HNRNPK: variants seen among roughly 807,000 people sequenced by gnomAD.
HNRNPK encodes the protein dC-stretch binding protein.
In HNRNPK, 7 loss-of-function variants were observed where a neutral mutation model predicts 67.0. The observed-to-expected ratio is 0.10, with a 90% CI of 0.06 to 0.20. The LOEUF is 0.20. Among genes scored for constraint, HNRNPK ranks in the 10% least tolerant of loss-of-function variants. The pLI is 1.00. For missense variants in HNRNPK, 264 were observed against 606.5 expected (o/e 0.44, Z 5.93); for synonymous variants, 213 against 193.7 (o/e 1.10, Z -0.83).
At chr9:83,973,238 A>G (rs1385531912) in intron 9 of HNRNPK, 48 bp downstream of exon 9, 1 of 1,106,202 alleles carries the variant, frequency 9.0e-7, no homozygotes, top group Non-Finnish European at 1.4e-6. Context: ...AGTCTATATG[A>G]AAATTTACTT....
intron 10 of HNRNPK, among the ~76,000 whole-genome samples, chr9:83,972,640 A>G (rs1346214164): frequency 1.3e-5 from 2 of 152,260 alleles, no homozygotes; most frequent in Non-Finnish European, 2.9e-5. Context: ...CTCAAAGGCT[A>G]TAGAAATACC....
chr9:83,972,296 A>G (rs1199596253), intron 10 of HNRNPK, 107 bp from the exon 11 acceptor site: 2 of 802,552 alleles, frequency 2.5e-6, no homozygotes, highest in Non-Finnish European at 2.0e-6. Flanking sequence ...TTCCCCCATC[A>G]GGAGGTACTA....
In HNRNPK at chr9:83,969,454, GA is replaced by G. The variant is rs749772524; in HGVS notation, c.1362-15del. Reference sequence around the variant, plus strand: ...TACTGCTTCACACTATAAAAGAAAAGAAAAAAAAGTGCGAATTAGAATTTTT... The same window carrying G: ...TACTGCTTCACACTATAAAAGAAAAGAAAAAAAGTGCGAATTAGAATTTTT... On this transcript the variant is annotated splice_polypyrimidine_tract_variant and intron_variant, in intron 16 of 16. Coordinates refer to ENST00000376263, the MANE Select transcript of HNRNPK (RefSeq NM_031263.4). 194 of 1,548,034 alleles carry G rather than the reference GA, an allele frequency of 1.3e-4. 1 individual carries two copies. The highest frequency in any genetic ancestry group is 3.4e-4 in the Middle Eastern group (2 of 5,860).
rs1956677505 is a variant in HNRNPK at position 83,968,453 on chromosome 9, TTATC to T, written c.*950_*953del. The T allele has an allele frequency of 6.6e-6, 1 of 152,512 alleles. No individual in the cohort carries two copies. Among genetic ancestry groups the T allele is most frequent in the Non-Finnish European group, 1.5e-5 (1 of 68,016 alleles). 9.4% of individuals were successfully genotyped at this position (152,512 alleles called of 1,614,324 possible). A position where few individuals can be genotyped will look rare whatever the true frequency, so the allele number is the denominator to read the frequency against. ...ACAGTTTAAGTCTATAGGTGAGAAA[TTATC>T]TAATAAAAATAATCAATTTTTTCAG... is the stretch of plus-strand genomic sequence containing the variant. On this transcript the variant is annotated 3_prime_UTR_variant, in exon 17 of 17. Coordinates refer to ENST00000376263, the MANE Select transcript of HNRNPK (RefSeq NM_031263.4).
rs1196260437 is a variant in HNRNPK, at chr9:83,971,899, T to C, written c.936A>G (p.Pro312=). The change falls in exon 11 of 17, where the codon CCA becomes CCG. Residue 312 remains proline, a synonymous_variant. Coordinates refer to ENST00000376263, the MANE Select transcript of HNRNPK (RefSeq NM_031263.4). ...SRARNLPLPP[P]PPPRGGDLMA... is the part of the protein sequence containing the mutation. ...CAACTTACCCCCCTCTAGGTGGTGG[T>C]GGTGGAGGAAGAGGAAGATTCCGAG... 1 of 1,557,380 alleles carries C rather than the reference T, an allele frequency of 6.4e-7. No individual in the cohort carries two copies. The highest frequency in any genetic ancestry group is 1.4e-5 in the African/African-American group (1 of 72,600).
At chr9:83,971,849 G>T (rs762252496) in intron 11 of HNRNPK, 33 bp downstream of exon 11, 11 of 1,559,408 alleles carry the variant, frequency 7.1e-6, no homozygotes, top group Non-Finnish European at 8.7e-6. Flanking sequence ...GATGGGGGAA[G>T]AAAAAACAAC....
chr9:83,970,864 T>A, intron 14 of HNRNPK, 33 bp downstream of exon 14: 1 of 1,610,530 alleles, frequency 6.2e-7, no homozygotes, highest in Non-Finnish European at 8.5e-7. Flanking sequence ...AAGTATGAAA[T>A]TAATGTTTGA....
chr9:83,979,138 A>T (rs1486585627), intron 1 of HNRNPK, among the ~76,000 whole-genome samples: 2 of 152,236 alleles, frequency 1.3e-5, no homozygotes, highest in African/African-American at 2.4e-5. Context: ...AAAACGGTCG[A>T]TAGGACTACA....
rs754517582 is a variant in HNRNPK, at chr9:83,972,895, T to C, written c.594A>G (p.Lys198=). The change falls in exon 10 of 17, where the codon AAA becomes AAG. Residue 198 remains lysine, a synonymous_variant. Coordinates refer to ENST00000376263, the MANE Select transcript of HNRNPK (RefSeq NM_031263.4). ...TTATGCACTCTACAACCCTATCGGGTTTTCCTCCAATAAGAACAACTCTGT... is the reference window on the plus strand; with the variant it reads ...TTATGCACTCTACAACCCTATCGGGCTTTCCTCCAATAAGAACAACTCTGT... ...STDRVVLIGG[K]PDRVVECIKI... The C allele has an allele frequency of 1.2e-6, 2 of 1,610,434 alleles. No homozygotes were observed. The highest frequency in any genetic ancestry group is 3.3e-5 in the Admixed American group (2 of 59,970).
In HNRNPK at chr9:83,977,681, A is replaced by G; in HGVS notation, c.156+8T>C. On this transcript the variant is annotated splice_region_variant and intron_variant, in intron 4 of 16. Transcript: ENST00000376263. ...CCACCTTCAAATTTTCAAGAATAAA[A>G]TTTATACCTTGCTCTGAAGCAGAAT... The G allele has an allele frequency of 6.4e-7, 1 of 1,555,488 alleles. No individual in the cohort carries two copies. The highest frequency in any genetic ancestry group is 8.8e-7 in the Non-Finnish European group (1 of 1,133,316).
intron 3 of HNRNPK, 40 bp from the exon 4 acceptor site, chr9:83,977,826 G>A (rs1957140391): frequency 3.2e-6 from 4 of 1,247,766 alleles, no homozygotes; most frequent in Non-Finnish European, 4.7e-6. Flanking sequence ...AAGCAGCGAA[G>A]TCTCCAAAGT....
chr9:83,970,117 G>T (rs748269131), intron 16 of HNRNPK, 45 bp downstream of exon 16: 6 of 1,487,394 alleles, frequency 4.0e-6, no homozygotes, highest in Non-Finnish European at 5.5e-6. Flanking sequence ...GCTTTTTAAA[G>T]GTTTTAGTAT....
chr9:83,973,854 TG>T (rs754940571), intron 8 of HNRNPK, 47 bp downstream of exon 8: 21 of 1,343,096 alleles, frequency 1.6e-5, no homozygotes, highest in Non-Finnish European at 2.2e-5. Flanking sequence ...ATCGATCCTA[TG>T]GGCCAGGCTC....
intron 7 of HNRNPK, among the ~76,000 whole-genome samples, 157 bp downstream of exon 7, chr9:83,974,360 C>A (rs201863519): frequency 1.0e-3 from 141 of 138,630 alleles, no homozygotes; most frequent in African/African-American, 2.9e-3. Context: ...AAAAAAAAAA[C>A]AAATTACGCA....
chr9:83,977,852 C>T lies in HNRNPK; in HGVS notation c.59-66G>A, dbSNP rs978688069. ...TCTCCAAAGTAACTCCATTCTGTTT[C>T]AAGAGACTTGTTGCTAATCTTAGGC... On this transcript the variant is annotated intron_variant, in intron 3 of 16. Transcript: ENST00000376263. The T allele has an allele frequency of 8.1e-6, 8 of 991,470 alleles. No homozygotes were observed. In the Admixed American group the frequency reaches 1.6e-4, roughly 19 times the overall value. The allele number at this position is 991,470 out of a possible 1,614,324, so 61.4% of individuals were successfully genotyped here. A position where few individuals can be genotyped will look rare whatever the true frequency, so the allele number is the denominator to read the frequency against.
intron 16 of HNRNPK, 55 bp downstream of exon 16, chr9:83,970,107 G>C (rs754980959): frequency 7.0e-7 from 1 of 1,419,346 alleles, no homozygotes; most frequent in Non-Finnish European, 9.6e-7. Context: ...GAGAAGAAAA[G>C]CTTTTTAAAG....
chr9:83,969,757 C>A, intron 16 of HNRNPK: 1 of 660,078 alleles, frequency 1.5e-6, no homozygotes, highest in Non-Finnish European at 2.9e-6. Flanking sequence ...CCTGTAGAGG[C>A]ATGGCCTGTG....
At chr9:83,969,625 A>G in intron 16 of HNRNPK, 185 bp from the exon 17 acceptor site, 1 of 623,478 alleles carries the variant, frequency 1.6e-6, no homozygotes, top group Non-Finnish European at 2.9e-6. Flanking sequence ...GATGAGTAGT[A>G]AATCGGACAT....
At chr9:83,975,526 C>G (rs1304450301) in intron 5 of HNRNPK, 21 bp from the exon 6 acceptor site, 1 of 1,603,182 alleles carries the variant, frequency 6.2e-7, no homozygotes, top group Non-Finnish European at 8.5e-7. Context: ...CATTGGCGTT[C>G]GTGGATGTTG....
Sources: gnomAD v4.1 joint callset for allele counts (sites outside exome capture counted in the v4.1 genomes callset) on GRCh38, gnomAD v4.1.1 for gene constraint, MANE v1.5 for transcripts, NCBI Gene and HGNC (gene_info 2026-07-23, HGNC 2026-07-21) for gene names.